The following PCDHGA12 variants were observed in gnomAD, a reference collection of about 807,000 sequenced individuals.
The protein encoded by PCDHGA12 is protocadherin gamma-A12.
Under a neutral mutation model 61.1 loss-of-function variants are expected in PCDHGA12, and 43 were observed. The ratio of observed to expected loss-of-function variants is 0.70; its 90% CI spans 0.55 to 0.91. The LOEUF is 0.91. Ranked by LOEUF, PCDHGA12 falls within the 40% of genes least tolerant of loss-of-function variation. The probability of loss-of-function intolerance (pLI) is 0.00; values close to 1 mark genes in which losing one functional copy is unlikely to be tolerated. For synonymous variants in PCDHGA12, 520 were observed against 542.9 expected (o/e 0.96, Z 0.59); for missense variants, 1,236 against 1,227.7 (o/e 1.01, Z -0.10).
chr5:141,486,175 C>T lies in PCDHGA12; in HGVS notation c.2425-8632C>T. ...GTTCTCCAGCCATGGAGCAACATTG[C>T]AGCCTTCGAGTGGATCTGCTGGACG... On this transcript the variant is annotated intron_variant, in intron 1 of 3. Transcript: ENST00000252085. The surrounding 1 kb of genome is among the most constrained non-coding windows in gnomAD (Gnocchi z 5.0). 1 of 1,614,210 alleles carries T rather than the reference C, an allele frequency of 6.2e-7. No individual in the cohort carries two copies.
chr5:141,452,303 G>C (rs1271182127), intron 1 of PCDHGA12, among the ~76,000 whole-genome samples: 1 of 152,048 alleles, frequency 6.6e-6, no homozygotes, highest in Non-Finnish European at 1.5e-5. Flanking sequence ...GAAAATATTA[G>C]AGACTCATAC....
At position 141,486,761 on chromosome 5, in the gene PCDHGA12, A is replaced by G. The variant is rs1368106682; in HGVS notation, c.2425-8046A>G. 1 of 1,614,114 alleles carries G rather than the reference A, an allele frequency of 6.2e-7. No homozygotes were observed. The highest frequency in any genetic ancestry group is 8.5e-7 in the Non-Finnish European group (1 of 1,180,056). ...ATCCTTTGACTATGAGCAAACCCAG[A>G]CACTGCAGTTTGAGGTGCAGGCCCG... On this transcript the variant is annotated intron_variant, in intron 1 of 3. Transcript: ENST00000252085. The surrounding 1 kb of genome is among the most constrained non-coding windows in gnomAD (Gnocchi z 5.0).
intron 1 of PCDHGA12, among the ~76,000 whole-genome samples, chr5:141,434,605 T>C (rs1448149059): frequency 6.6e-6 from 1 of 152,198 alleles, no homozygotes; most frequent in Non-Finnish European, 1.5e-5. Context: ...ATCCCTTTAT[T>C]TCCGCCCATC....
chr5:141,478,347 C>T, intron 1 of PCDHGA12: 2 of 1,613,802 alleles, frequency 1.2e-6, no homozygotes, highest in Non-Finnish European at 1.7e-6. Context: ...TCCTTGCACG[C>T]GGACGCCGTG....
At position 141,476,209 on chromosome 5, in the gene PCDHGA12, G is replaced by A. The variant is rs749576231; in HGVS notation, c.2425-18598G>A. ...TTGGTGCCTTGAACAAGGCTTCCAC[G>A]GTCATTCACTATGAGATCCCGGAGG... On this transcript the variant is annotated intron_variant, in intron 1 of 3. Coordinates refer to ENST00000252085, the MANE Select transcript of PCDHGA12 (RefSeq NM_003735.3). The surrounding 1 kb of genome is among the most constrained non-coding windows in gnomAD (Gnocchi z 7.6). The A allele has an allele frequency of 3.1e-6, 5 of 1,613,974 alleles. No individual in the cohort carries two copies. Among genetic ancestry groups the A allele is most frequent in the Admixed American group, 1.7e-5 (1 of 60,014 alleles).
chr5:141,481,026 C>T (rs1315533254), intron 1 of PCDHGA12, among the ~76,000 whole-genome samples: 1 of 152,100 alleles, frequency 6.6e-6, no homozygotes, highest in African/African-American at 2.4e-5. Flanking sequence ...CCACTGCACT[C>T]CAGCCTGGGC....
chr5:141,489,342 A>G lies in PCDHGA12; in HGVS notation c.2425-5465A>G. 3.7e-6 allele frequency: 6 copies of G among 1,609,084 alleles called. No homozygotes were observed. The Middle Eastern group carries it at 6.6e-4, about 178-fold the overall frequency. On this transcript the variant is annotated intron_variant, in intron 1 of 3. Transcript: ENST00000252085. The surrounding 1 kb of genome is among the most constrained non-coding windows in gnomAD (Gnocchi z 4.5). ...GGGTGTCTGGGCAGCTTCGTTACTCAGTGGTGGAGGAGTCTGAGCCGGGGA... is the reference window on the plus strand; with the variant it reads ...GGGTGTCTGGGCAGCTTCGTTACTCGGTGGTGGAGGAGTCTGAGCCGGGGA...
chr5:141,495,034 A>C (rs986393420), intron 2 of PCDHGA12, 169 bp downstream of exon 2: 1 of 962,702 alleles, frequency 1.0e-6, no homozygotes, highest in Non-Finnish European at 1.2e-6. Context: ...CCCCGGAAGG[A>C]AGAGGCGACT....
At chr5:141,472,219 A>C (rs2099274667) in intron 1 of PCDHGA12, among the ~76,000 whole-genome samples, 1 of 152,210 alleles carries the variant, frequency 6.6e-6, no homozygotes, top group Non-Finnish European at 1.5e-5. Context: ...CTTACTCTCG[A>C]TCATATAATA....
intron 1 of PCDHGA12, among the ~76,000 whole-genome samples, chr5:141,460,270 C>T (rs1223096441): frequency 6.6e-6 from 1 of 151,828 alleles, no homozygotes; most frequent in Non-Finnish European, 1.5e-5. Context: ...TTTATTTTTT[C>T]TTTTATAGTT....
intron 3 of PCDHGA12, among the ~76,000 whole-genome samples, chr5:141,510,691 T>C (rs1013489554): frequency 4.6e-5 from 7 of 152,138 alleles, no homozygotes; most frequent in African/African-American, 1.7e-4. Flanking sequence ...GGAGGTTAGG[T>C]AGACTTGCCC....
chr5:141,506,246 C>T (rs1049014492), intron 3 of PCDHGA12, among the ~76,000 whole-genome samples: 3 of 151,958 alleles, frequency 2.0e-5, no homozygotes, highest in South Asian at 4.2e-4. Context: ...GTCAGGAGTT[C>T]GAAACCGGCC....
chr5:141,498,814 T>G (rs2099785952), intron 2 of PCDHGA12, among the ~76,000 whole-genome samples: 1 of 151,956 alleles, frequency 6.6e-6, no homozygotes. Flanking sequence ...ACACCTGTAG[T>G]CCCAGCTACT....
chr5:141,439,410 A>T (rs2098110832), intron 1 of PCDHGA12, among the ~76,000 whole-genome samples: 1 of 152,220 alleles, frequency 6.6e-6, no homozygotes, highest in African/African-American at 2.4e-5. Context: ...TGCTAACATC[A>T]CTGAGGTTAT....
chr5:141,450,650 C>G (rs1220350105), intron 1 of PCDHGA12, among the ~76,000 whole-genome samples: 1 of 151,618 alleles, frequency 6.6e-6, no homozygotes, highest in Non-Finnish European at 1.5e-5. Context: ...CCATGCCTGG[C>G]TAATTTTTGT....
At chr5:141,446,129 A>C (rs1488078150) in intron 1 of PCDHGA12, among the ~76,000 whole-genome samples, 1 of 152,204 alleles carries the variant, frequency 6.6e-6, no homozygotes, top group Non-Finnish European at 1.5e-5. Flanking sequence ...GTTCAATAAG[A>C]CTTAATAATG....
chr5:141,459,028 C>T (rs373532898), intron 1 of PCDHGA12, among the ~76,000 whole-genome samples: 1 of 152,202 alleles, frequency 6.6e-6, no homozygotes, highest in Non-Finnish European at 1.5e-5. Context: ...CCACCACATC[C>T]AGCCTTACCA....
At chr5:141,504,134 A>G (rs73280371) in intron 2 of PCDHGA12, among the ~76,000 whole-genome samples, 139 of 152,168 alleles carry the variant, frequency 9.1e-4, no homozygotes, top group African/African-American at 3.1e-3. Flanking sequence ...TCCCGCCAAC[A>G]CTCCCCTGCA....
chr5:141,485,466 T>C lies in PCDHGA12; in HGVS notation c.2425-9341T>C, dbSNP rs1485922901. ...ATCGACCGAGAGGCACTGTGTGGGC[T>C]CAGTGCCAGCTGCATCGTGCCCCTG... On this transcript the variant is annotated intron_variant, in intron 1 of 3. Transcript: ENST00000252085. The surrounding 1 kb of genome is among the most constrained non-coding windows in gnomAD (Gnocchi z 5.7). 6.2e-7 allele frequency: 1 copy of C among 1,613,868 alleles called. No individual in the cohort carries two copies. Among genetic ancestry groups the C allele is most frequent in the Non-Finnish European group, 8.5e-7 (1 of 1,179,924 alleles).
Sources: allele counts gnomAD v4.1 joint callset (sites outside exome capture counted in the v4.1 genomes callset), GRCh38; gene constraint gnomAD v4.1.1; non-coding constraint Gnocchi (gnomAD v3.1); transcripts MANE v1.5; gene names NCBI Gene and HGNC (gene_info 2026-07-23, HGNC 2026-07-21).